The following ZNF185 variants were observed in gnomAD, a reference collection of about 807,000 sequenced individuals.
The protein encoded by ZNF185 is zinc finger protein 185.
ZNF185 carries 56 observed loss-of-function variants against 58.6 expected under a neutral mutation model. The ratio of observed to expected loss-of-function variants is 0.95; its 90% CI spans 0.77 to 1.19. The LOEUF is 1.19. Ranked by LOEUF, ZNF185 falls within the 50% of genes most tolerant of loss-of-function variation. The probability of loss-of-function intolerance (pLI) is 0.00; values close to 1 mark genes in which losing one functional copy is unlikely to be tolerated. For synonymous variants in ZNF185, 230 were observed against 215.9 expected, an observed-to-expected ratio of 1.07 and a Z score of -0.57; for missense variants, 627 against 573.5, an observed-to-expected ratio of 1.09 and a Z score of -0.95.
intron 11 of ZNF185, among the ~76,000 whole-genome samples, chrX:152,923,683 T>C (rs1940235586): frequency 8.9e-6 from 1 of 112,178 alleles, no homozygotes; most frequent in Non-Finnish European, 1.9e-5. Context: ...CGGATTCTCA[T>C]AAGGAGCGCA....
At chrX:152,968,043 G>A (rs1353170400) in intron 20 of ZNF185, among the ~76,000 whole-genome samples, 1 of 112,075 alleles carries the variant, frequency 8.9e-6, no homozygotes, top group African/African-American at 3.2e-5. Context: ...AAGCTACATT[G>A]GGGAGGAAAA....
chrX:152,938,007 G>A, intron 14 of ZNF185, 67 bp from the exon 17 acceptor site: 1 of 1,056,105 alleles, frequency 9.5e-7, no homozygotes, highest in Non-Finnish European at 1.3e-6. Context: ...GCAGCCTGGA[G>A]GGGGAAGACC....
At chrX:152,928,601 T>A in exon 12 of ZNF185, 2 of 1,211,881 alleles carry the variant, frequency 1.7e-6, no homozygotes, top group Non-Finnish European at 2.2e-6. Context: ...ATTGTCCGCC[T>A]GCAGATCCTG....
At chrX:152,932,937 T>A (rs782790770) in exon 14 of ZNF185, 1 of 1,204,192 alleles carries the variant, frequency 8.3e-7, no homozygotes. Flanking sequence ...GCCTGAAGGC[T>A]TGGCTGCAGT....
At chrX:152,940,423 G>T (rs1420325722) in intron 15 of ZNF185, among the ~76,000 whole-genome samples, 1 of 96,231 alleles carries the variant, frequency 1.0e-5, no homozygotes, top group Non-Finnish European at 2.1e-5. Context: ...GGAGTGTGGT[G>T]GGGGTGGGGG....
chrX:152,936,367 C>T (rs2046286560), intron 14 of ZNF185, 51 bp from the exon 16 acceptor site: 1 of 1,058,410 alleles, frequency 9.4e-7, no homozygotes, highest in African/African-American at 1.9e-5. Context: ...AGAGGGTAGA[C>T]ATACAGACAC....
chrX:152,964,126 C>T (rs1683546694), intron 18 of ZNF185, among the ~76,000 whole-genome samples, 177 bp downstream of exon 20: 1 of 112,693 alleles, frequency 8.9e-6, no homozygotes, highest in Admixed American at 9.4e-5. Context: ...AAACTCCCAT[C>T]TACCGGGCCT....
chrX:152,910,362 G>A (rs1936993566), upstream of ZNF185, among the ~76,000 whole-genome samples: 1 of 112,019 alleles, frequency 8.9e-6, no homozygotes, highest in African/African-American at 3.2e-5. Context: ...AAAATATTTT[G>A]GTGTATATCT....
At chrX:152,969,560 T>C in intron 21 of ZNF185, 76 bp downstream of exon 23, 3 of 790,829 alleles carry the variant, frequency 3.8e-6, no homozygotes, top group Non-Finnish European at 5.6e-6. Flanking sequence ...TTTTGTAGAG[T>C]GCGGGAGTCT....
chrX:152,969,786 G>C (rs2050500496), intron 21 of ZNF185, among the ~76,000 whole-genome samples: 1 of 112,625 alleles, frequency 8.9e-6, no homozygotes, highest in Non-Finnish European at 1.9e-5. Context: ...AAAGCCCTGG[G>C]GCAGAAGCAC....
chrX:152,903,693 C>T, the ZNF185 span, among the ~76,000 whole-genome samples: 3 of 111,788 alleles, frequency 2.7e-5, no homozygotes, highest in African/African-American at 6.5e-5. Flanking sequence ...CTCCAAGGGC[C>T]CTTGAAGCCA....
At chrX:152,936,345 C>T in intron 14 of ZNF185, 73 bp from the exon 16 acceptor site, 2 of 905,144 alleles carry the variant, frequency 2.2e-6, no homozygotes. Flanking sequence ...GGGCAGGATC[C>T]ACTTTCTCGG....
upstream of ZNF185, among the ~76,000 whole-genome samples, chrX:152,913,832 C>T (rs1937754323): frequency 8.9e-6 from 1 of 112,062 alleles, no homozygotes; most frequent in Admixed American, 9.4e-5. Context: ...GGAGCATCGG[C>T]GCATTCCATC....
At chrX:152,959,571 T>C in intron 16 of ZNF185, 128 bp from the exon 19 acceptor site, 10 of 759,074 alleles carry the variant, frequency 1.3e-5, no homozygotes, top group Non-Finnish European at 1.9e-5. Context: ...GCCTCCTTCC[T>C]GTCTGCCCCA....
intron 15 of ZNF185, among the ~76,000 whole-genome samples, chrX:152,939,680 T>C (rs921408869): frequency 9.1e-5 from 10 of 109,901 alleles, no homozygotes; most frequent in South Asian, 4.0e-4. Context: ...ACTCCTGTAA[T>C]GAACACACTT....
At chrX:152,955,775 G>A (rs1406176081) in intron 16 of ZNF185, among the ~76,000 whole-genome samples, 4 of 110,843 alleles carry the variant, frequency 3.6e-5, no homozygotes, top group Non-Finnish European at 7.6e-5. Flanking sequence ...GGTGGCATGC[G>A]CCTGTAATCC....
At chrX:152,931,059 A>G (rs1247792951) in intron 12 of ZNF185, among the ~76,000 whole-genome samples, 1 of 111,883 alleles carries the variant, frequency 8.9e-6, no homozygotes, top group Non-Finnish European at 1.9e-5. Flanking sequence ...AACAGTGCCC[A>G]TATCCTGGGG....
At chrX:152,951,085 ATT>A (rs57205058) in intron 16 of ZNF185, among the ~76,000 whole-genome samples, 7 of 92,362 alleles carry the variant, frequency 7.6e-5, no homozygotes, top group Admixed American at 1.3e-4. Flanking sequence ...ATGATCAAGA[ATT>A]TTTTTTTTTT....
chrX:152,930,512 TG>T (rs1941756145), intron 12 of ZNF185, among the ~76,000 whole-genome samples: 1 of 111,458 alleles, frequency 9.0e-6, no homozygotes, highest in African/African-American at 3.3e-5. Context: ...TGGGGACAGC[TG>T]GGCGAGGGCA....
Sources: allele counts gnomAD v4.1 joint callset (sites outside exome capture counted in the v4.1 genomes callset), GRCh38; gene constraint gnomAD v4.1.1; transcripts MANE v1.5; gene names NCBI Gene and HGNC (gene_info 2026-07-23, HGNC 2026-07-21).